The following LINGO2 variants were observed in gnomAD, a reference collection of about 807,000 sequenced individuals.
The protein encoded by LINGO2 is leucine-rich repeat and immunoglobulin-like domain-containing nogo receptor-interacting protein 2.
In LINGO2, 14 loss-of-function variants were observed where a neutral mutation model predicts 30.6. The ratio of observed to expected loss-of-function variants is 0.46; its 90% confidence interval spans 0.30 to 0.72. The LOEUF is 0.72. Ranked by LOEUF, LINGO2 falls within the 30% of genes least tolerant of loss-of-function variation. LINGO2 has a pLI of 0.07. For missense variants in LINGO2, 729 were observed against 751.7 expected, an observed-to-expected ratio of 0.97 and a Z score of 0.35; for synonymous variants, 317 against 288.5, an observed-to-expected ratio of 1.10 and a Z score of -1.00.
intron 4 of LINGO2, among the ~76,000 whole-genome samples, chr9:28,200,688 G>A (rs1006437289): frequency 1.3e-5 from 2 of 152,074 alleles, no homozygotes; most frequent in African/African-American, 4.8e-5. Flanking sequence ...TTGTAATAGG[G>A]CTGTTTAATA....
At chr9:28,042,351 T>TA (rs1824232818) in intron 4 of LINGO2, among the ~76,000 whole-genome samples, 1 of 152,156 alleles carries the variant, frequency 6.6e-6, no homozygotes, top group African/African-American at 2.4e-5. Flanking sequence ...AGCTCCATAT[T>TA]AATTGTCAAC....
At chr9:27,979,205 C>T (rs1820741372) in intron 5 of LINGO2, among the ~76,000 whole-genome samples, 1 of 151,954 alleles carries the variant, frequency 6.6e-6, no homozygotes, top group Admixed American at 6.6e-5. Context: ...TGTGTGGGCT[C>T]ACAAGGAAGG....
the LINGO2 span, among the ~76,000 whole-genome samples, chr9:28,679,994 T>C: frequency 2.6e-5 from 4 of 152,022 alleles, no homozygotes; most frequent in East Asian, 7.7e-4. Context: ...TTTCCAGATA[T>C]AATTATTGGA....
chr9:28,119,320 T>C lies in LINGO2; in HGVS notation c.-86-106915A>G, dbSNP rs548248591. 1.8e-4 allele frequency among the ~76,000 whole-genome samples: 28 copies of C among 152,170 alleles called. 1 individual carries two copies. The South Asian group carries it at 4.8e-3, about 26-fold the overall frequency. ...TTTTTGTATTTTAGTAGAGGTGGGG[T>C]TTCACCACGTTCTCCAGAAATACAT... On this transcript the variant is annotated intron_variant, in intron 4 of 5. Transcript: ENST00000379992.
chr9:28,843,052 G>A, the LINGO2 span, among the ~76,000 whole-genome samples: 2 of 151,726 alleles, frequency 1.3e-5, no homozygotes, highest in East Asian at 1.9e-4. Context: ...ACTGAACTAC[G>A]ACAACTAATG....
chr9:29,163,108 A>G, the LINGO2 span, among the ~76,000 whole-genome samples: 1 of 152,170 alleles, frequency 6.6e-6, no homozygotes, highest in African/African-American at 2.4e-5. Flanking sequence ...TAAAGTTTTA[A>G]TATATCTTGA....
chr9:28,955,407 C>G, the LINGO2 span, among the ~76,000 whole-genome samples: 2 of 152,100 alleles, frequency 1.3e-5, no homozygotes, highest in African/African-American at 2.4e-5. Context: ...ATGGGAGTGT[C>G]TGCTTGCATG....
chr9:28,468,819 G>T (rs1011006925), intron 2 of LINGO2, among the ~76,000 whole-genome samples: 1 of 152,148 alleles, frequency 6.6e-6, no homozygotes, highest in Non-Finnish European at 1.5e-5. Context: ...GTTTTCCCCT[G>T]CACAGAGCCA....
chr9:28,753,620 C>T, the LINGO2 span, among the ~76,000 whole-genome samples: 1 of 151,834 alleles, frequency 6.6e-6, no homozygotes, highest in Non-Finnish European at 1.5e-5. Context: ...TTAATTAACC[C>T]GAAACAAGAA....
exon 6 of LINGO2, chr9:27,948,971 G>A: frequency 6.2e-7 from 1 of 1,613,866 alleles, no homozygotes; most frequent in Non-Finnish European, 8.5e-7. Context: ...CTTTCCCTCG[G>A]CTCCACACAA....
At chr9:28,149,293 G>A (rs1336433823) in intron 4 of LINGO2, 3 of 592,756 alleles carry the variant, frequency 5.1e-6, no homozygotes, top group South Asian at 2.0e-5. Context: ...ATTGAGACCT[G>A]AGGAGCATCT....
intron 2 of LINGO2, among the ~76,000 whole-genome samples, chr9:28,411,647 T>C (rs1822768377): frequency 6.6e-6 from 1 of 152,128 alleles, no homozygotes; most frequent in Admixed American, 6.6e-5. Context: ...AGATGCCACA[T>C]TTTGCTTATC....
chr9:29,165,363 G>A, the LINGO2 span, among the ~76,000 whole-genome samples: 1 of 152,032 alleles, frequency 6.6e-6, no homozygotes, highest in Non-Finnish European at 1.5e-5. Flanking sequence ...AAAGAGCAAA[G>A]TGTCTGTTCT....
At chr9:28,987,562 T>C in the LINGO2 span, among the ~76,000 whole-genome samples, 2 of 152,232 alleles carry the variant, frequency 1.3e-5, no homozygotes, top group South Asian at 4.1e-4. Flanking sequence ...TTCTTTAATA[T>C]TTCCTTCTTC....
At chr9:28,918,872 T>C in the LINGO2 span, among the ~76,000 whole-genome samples, 1 of 152,088 alleles carries the variant, frequency 6.6e-6, no homozygotes, top group East Asian at 1.9e-4. Flanking sequence ...AACAATCATA[T>C]TAGCAAAAAC....
At chr9:28,853,254 C>T in the LINGO2 span, among the ~76,000 whole-genome samples, 1 of 151,988 alleles carries the variant, frequency 6.6e-6, no homozygotes, top group Non-Finnish European at 1.5e-5. Flanking sequence ...CCTTTTGAAA[C>T]TCCAGGTGTT....
chr9:28,772,041 C>T, the LINGO2 span, among the ~76,000 whole-genome samples: 1 of 152,114 alleles, frequency 6.6e-6, no homozygotes, highest in African/African-American at 2.4e-5. Context: ...TCTGAAGACA[C>T]GTTCAACAAT....
At chr9:29,155,489 T>C in the LINGO2 span, among the ~76,000 whole-genome samples, 1 of 151,848 alleles carries the variant, frequency 6.6e-6, no homozygotes, top group Admixed American at 6.6e-5. Flanking sequence ...GATCAGAGTT[T>C]AGCAGAAATA....
At chr9:28,410,626 C>T (rs1246294801) in intron 2 of LINGO2, among the ~76,000 whole-genome samples, 1 of 152,012 alleles carries the variant, frequency 6.6e-6, no homozygotes, top group Non-Finnish European at 1.5e-5. Flanking sequence ...CTCGTTATCA[C>T]CAAGATAAAG....
Sources: gnomAD v4.1 joint callset for allele counts (sites outside exome capture counted in the v4.1 genomes callset) on GRCh38, gnomAD v4.1.1 for gene constraint, MANE v1.5 for transcripts, NCBI Gene and HGNC (gene_info 2026-07-23, HGNC 2026-07-21) for gene names.